BRWD1: variants seen among roughly 807,000 people sequenced by gnomAD.
BRWD1 encodes the protein bromodomain and WD repeat domain containing 1.
Under a neutral mutation model 251.2 loss-of-function variants are expected in BRWD1, and 82 were observed. The ratio of observed to expected loss-of-function variants is 0.33; its 90% CI spans 0.27 to 0.39. The LOEUF is 0.39. Among genes scored for constraint, BRWD1 ranks in the 10% least tolerant of loss-of-function variants. The probability of loss-of-function intolerance (pLI) is 1.00; values close to 1 mark genes in which losing one functional copy is unlikely to be tolerated. For missense variants in BRWD1, 2,233 were observed against 2,711.6 expected (o/e 0.82, Z 3.92); for synonymous variants, 918 against 902.8 (o/e 1.02, Z -0.30).
chr21:39,228,631 A>T (rs777017387), intron 26 of BRWD1, 49 bp from the exon 27 acceptor site: 6 of 1,081,476 alleles, frequency 5.5e-6, no homozygotes, highest in Non-Finnish European at 8.5e-6. Context: ...AGCAGGTTAT[A>T]TAGTCTAAAA....
At position 39,190,227 on chromosome 21, in the gene BRWD1, A is replaced by C. The variant is rs979279736; in HGVS notation, c.*6032T>G. On this transcript the variant is annotated 3_prime_UTR_variant, in exon 41 of 41. Coordinates refer to ENST00000342449, the MANE Select transcript of BRWD1 (RefSeq NM_033656.4). Reference sequence around the variant, plus strand: ...TTCAAGGATTAATCATATTCTAATTAGACTTTTTTTTAATTTTTAAGCTAC... The same window carrying C: ...TTCAAGGATTAATCATATTCTAATTCGACTTTTTTTTAATTTTTAAGCTAC... 4 of 945,236 alleles carry C rather than the reference A, an allele frequency of 4.2e-6. No individual in the cohort carries two copies. Among genetic ancestry groups the C allele is most frequent in the Non-Finnish European group, 4.9e-6 (4 of 813,318 alleles). 58.6% of individuals were successfully genotyped at this position (945,236 alleles called of 1,614,324 possible).
In BRWD1 at chr21:39,191,334, G is replaced by A. The variant is rs878855978; in HGVS notation, c.*4925C>T. ...AAAAGAAATTACCAGTGGAAAAGAG[G>A]TTGGGGAACCACTTGGGACAAGTCT... On this transcript the variant is annotated 3_prime_UTR_variant, in exon 41 of 41. Transcript: ENST00000342449. 4.1e-6 allele frequency: 4 copies of A among 985,338 alleles called. No individual in the cohort carries two copies. Among genetic ancestry groups the A allele is most frequent in the Non-Finnish European group, 4.8e-6 (4 of 829,918 alleles). The allele number at this position is 985,338 out of a possible 1,614,324, so 61.0% of individuals were successfully genotyped here. A position where few individuals can be genotyped will look rare whatever the true frequency, so the allele number is the denominator to read the frequency against.
At position 39,213,538 on chromosome 21, in the gene BRWD1, T is replaced by G; in HGVS notation, c.3801A>C (p.Thr1267=). 2 of 1,610,998 alleles carry G rather than the reference T, an allele frequency of 1.2e-6. No homozygotes were observed. The highest frequency in any genetic ancestry group is 1.7e-6 in the Non-Finnish European group (2 of 1,178,486). Residue 1267 remains threonine (T), a synonymous_variant, in exon 33 of 41, where the codon ACA becomes ACC. Coordinates refer to ENST00000342449, the MANE Select transcript of BRWD1 (RefSeq NM_033656.4). ...ATGTGTTAGAAAGTTCTGAGATATT[T>G]GTACAGTGTTGATTCCTAAAAAACA... is the stretch of plus-strand genomic sequence containing the variant. The part of the protein sequence containing the change: ...LLKFIKNQHC[T]NISELSNTSE...
intron 4 of BRWD1, among the ~76,000 whole-genome samples, chr21:39,305,761 G>A (rs906084316): frequency 6.6e-6 from 1 of 151,860 alleles, no homozygotes; most frequent in Non-Finnish European, 1.5e-5. Flanking sequence ...TACTCAGGAG[G>A]GCTGAGGCAG....
intron 31 of BRWD1, chr21:39,217,024 TA>T (rs2032933045): frequency 4.8e-5 from 1 of 20,786 alleles, no homozygotes. Flanking sequence ...TATATATATA[TA>T]TATATATATA....
Position 39,312,912 on chromosome 21 carries a change from C to T in BRWD1, c.139-12G>A, listed in dbSNP as rs566376983. ...CTCTTCGGCAACAACTGGAAAGACA[C>T]GAAACGCACACGAGTGACCACCCCT... On this transcript the variant is annotated splice_polypyrimidine_tract_variant and intron_variant, in intron 3 of 40. Transcript: ENST00000342449. The T allele has an allele frequency of 1.3e-6, 2 of 1,507,642 alleles. No individual in the cohort carries two copies. The highest frequency in any genetic ancestry group is 1.8e-6 in the Non-Finnish European group (2 of 1,122,864). 93.4% of individuals were successfully genotyped at this position (1,507,642 alleles called of 1,614,324 possible).
At chr21:39,296,164 C>T (rs996049550) in intron 6 of BRWD1, 101 bp downstream of exon 6, 4 of 924,494 alleles carry the variant, frequency 4.3e-6, no homozygotes, top group Non-Finnish European at 6.2e-6. Flanking sequence ...AACAACATTT[C>T]AACCAGTATT....
In BRWD1 at chr21:39,191,332, A is replaced by T. The variant is rs925352544; in HGVS notation, c.*4927T>A. 6 of 985,262 alleles carry T rather than the reference A, an allele frequency of 6.1e-6. No individual in the cohort carries two copies. The highest frequency in any genetic ancestry group is 1.7e-5 in the African/African-American group (1 of 57,240). 61.0% of individuals were successfully genotyped at this position (985,262 alleles called of 1,614,324 possible). ...TGAAAAGAAATTACCAGTGGAAAAG[A>T]GGTTGGGGAACCACTTGGGACAAGT... On this transcript the variant is annotated 3_prime_UTR_variant, in exon 41 of 41. Coordinates refer to ENST00000342449, the MANE Select transcript of BRWD1 (RefSeq NM_033656.4).
chr21:39,316,289 G>A (rs888755575), upstream of BRWD1, among the ~76,000 whole-genome samples: 1 of 152,180 alleles, frequency 6.6e-6, no homozygotes, highest in African/African-American at 2.4e-5. Flanking sequence ...CTCGTTTGGG[G>A]CTTTCCAAGG....
At chr21:39,273,762 T>A (rs912946253) in intron 13 of BRWD1, among the ~76,000 whole-genome samples, 4 of 152,162 alleles carry the variant, frequency 2.6e-5, no homozygotes, top group Middle Eastern at 6.8e-3. Context: ...CCATTTTTTT[T>A]AAATAAAAAT....
chr21:39,286,273 C>A (rs958830094), intron 8 of BRWD1, among the ~76,000 whole-genome samples: 2 of 152,070 alleles, frequency 1.3e-5, no homozygotes, highest in Admixed American at 1.3e-4. Context: ...CCGCCTCGGC[C>A]TCCCAAAGTG....
At chr21:39,223,712 G>GA (rs1229506564) in intron 29 of BRWD1, among the ~76,000 whole-genome samples, 1 of 152,152 alleles carries the variant, frequency 6.6e-6, no homozygotes, top group East Asian at 1.9e-4. Flanking sequence ...TATTTCAGTA[G>GA]AAAATCCATA....
intron 32 of BRWD1, among the ~76,000 whole-genome samples, chr21:39,215,029 G>A (rs775161873): frequency 5.4e-5 from 8 of 147,802 alleles, no homozygotes; most frequent in African/African-American, 2.0e-4. Context: ...CACCACGCCC[G>A]GCTAATTTTT....
chr21:39,298,217 T>A, intron 5 of BRWD1: 2 of 1,200,962 alleles, frequency 1.7e-6, no homozygotes, highest in Non-Finnish European at 2.1e-6. Flanking sequence ...TAGCTTAACA[T>A]CTATATCTTT....
chr21:39,226,202 C>A (rs1352842550), intron 27 of BRWD1, among the ~76,000 whole-genome samples: 6 of 152,060 alleles, frequency 3.9e-5, no homozygotes, highest in Non-Finnish European at 8.8e-5. Flanking sequence ...ATAAAAGTGT[C>A]TTTTCTATGT....
chr21:39,301,025 A>T (rs1394130923), intron 4 of BRWD1, among the ~76,000 whole-genome samples: 2 of 152,096 alleles, frequency 1.3e-5, no homozygotes, highest in Non-Finnish European at 2.9e-5. Flanking sequence ...AAAAATACAA[A>T]AAAATTAGCC....
Position 39,189,688 on chromosome 21 carries a change from T to A in BRWD1, c.*6571A>T, listed in dbSNP as rs1015467951. 2.7e-5 allele frequency: 27 copies of A among 982,532 alleles called. No individual in the cohort carries two copies. Among genetic ancestry groups the A allele is most frequent in the South Asian group, 1.4e-4 (3 of 21,224 alleles). 60.9% of individuals were successfully genotyped at this position (982,532 alleles called of 1,614,324 possible). On this transcript the variant is annotated 3_prime_UTR_variant, in exon 41 of 41. Transcript: ENST00000342449. The stretch of plus-strand genomic sequence containing the variant: ...AAGACAAAACTGTGGAGAATTTTTT[T>A]AAATACATTCAAGTCAGTGTTAATT...
intron 32 of BRWD1, 72 bp from the exon 33 acceptor site, chr21:39,213,625 T>C: frequency 9.8e-7 from 1 of 1,020,772 alleles, no homozygotes; most frequent in Non-Finnish European, 1.5e-6. Flanking sequence ...AATTATACAT[T>C]AAAATATAAA....
At chr21:39,269,690 A>G (rs1426214251) in intron 15 of BRWD1, among the ~76,000 whole-genome samples, 2 of 152,212 alleles carry the variant, frequency 1.3e-5, no homozygotes, top group African/African-American at 4.8e-5. Flanking sequence ...TAACTTAAAA[A>G]TGTCTCCCTC....
Sources: gnomAD v4.1 joint callset for allele counts (sites outside exome capture counted in the v4.1 genomes callset) on GRCh38, gnomAD v4.1.1 for gene constraint, MANE v1.5 for transcripts, NCBI Gene and HGNC (gene_info 2026-07-23, HGNC 2026-07-21) for gene names.